ZNF536: variants seen among roughly 807,000 people sequenced by gnomAD.
ZNF536 encodes zinc finger protein 536.
Under a neutral mutation model 84.5 loss-of-function variants are expected in ZNF536, and 13 were observed. The observed-to-expected ratio is 0.15, with a 90% CI of 0.10 to 0.24. The LOEUF (loss-of-function observed/expected upper bound fraction) is 0.24. Ranked by LOEUF, ZNF536 falls within the 10% of genes least tolerant of loss-of-function variation. The probability of loss-of-function intolerance (pLI) is 1.00; values close to 1 mark genes in which losing one functional copy is unlikely to be tolerated. For synonymous variants in ZNF536, 811 were observed against 742.5 expected (o/e 1.09, Z -1.50); for missense variants, 1,536 against 1,747.5 (o/e 0.88, Z 2.16).
At chr19:30,651,163 G>A (rs1028034072) in intron 1 of ZNF536, among the ~76,000 whole-genome samples, 4 of 152,204 alleles carry the variant, frequency 2.6e-5, no homozygotes, top group Non-Finnish European at 5.9e-5. Flanking sequence ...GAGGGGTTAG[G>A]TGGGGTCCTG....
chr19:30,293,637 T>G (rs983482482), intron 2 of ZNF536, among the ~76,000 whole-genome samples: 2 of 152,208 alleles, frequency 1.3e-5, no homozygotes, highest in Admixed American at 6.5e-5. Flanking sequence ...CTGGCAGAGC[T>G]GGACTCTTAC....
intron 2 of ZNF536, among the ~76,000 whole-genome samples, chr19:30,294,371 C>T (rs2045933417): frequency 6.6e-6 from 1 of 152,170 alleles, no homozygotes; most frequent in South Asian, 2.1e-4. Context: ...TGTATTATTT[C>T]ATGTCTGAAA....
rs9630884 is a variant in ZNF536, at chr19:30,540,677, A to G, written c.2323+5678A>G. Among the ~76,000 whole-genome samples, 1,260 of 152,314 alleles carry G rather than the reference A, an allele frequency of 8.3e-3. 14 individuals carry two copies. The highest frequency in any genetic ancestry group is 0.028 in the African/African-American group (1,181 of 41,566). On this transcript the variant is annotated intron_variant, in intron 3 of 4. Transcript: ENST00000355537. ...TTATAATCAGATCTGCCTAATTCAG[A>G]ATCTCATTCTCTTCACCGCTGCATT...
In ZNF536 at chr19:30,233,517, A is replaced by AT. The variant is rs755958829; in HGVS notation, c.-190+4857dup. On this transcript the variant is annotated intron_variant, in intron 1 of 5. Coordinates refer to the ZNF536 transcript ENST00000585628. ...CCACCACACCTAGGTAGTTTTTAAC[A>AT]TTTTTTTTTTTTTAGAGATGGGGTC... 9.0e-3 allele frequency among the ~76,000 whole-genome samples: 1,286 copies of AT among 142,218 alleles called. 12 individuals carry two copies. Among genetic ancestry groups the AT allele is most frequent in the African/African-American group, 0.023 (884 of 38,772 alleles). The allele number at this position is 142,218 out of a possible 152,430, so 93.3% of individuals were successfully genotyped here.
At chr19:30,418,700 C>T (rs570204610) in intron 1 of ZNF536, among the ~76,000 whole-genome samples, 7 of 152,186 alleles carry the variant, frequency 4.6e-5, no homozygotes, top group South Asian at 2.1e-4. Flanking sequence ...ATGATGTGCC[C>T]GTCTCAAGAG....
At chr19:30,326,807 T>TTTTTG (rs2047050316) in intron 2 of ZNF536, among the ~76,000 whole-genome samples, 1 of 134,356 alleles carries the variant, frequency 7.4e-6, no homozygotes, top group South Asian at 2.7e-4. Flanking sequence ...TTTTTTTTTT[T>TTTTTG]TTTTTTTTTT....
intron 1 of ZNF536, among the ~76,000 whole-genome samples, chr19:30,636,228 A>T (rs952588878): frequency 1.3e-5 from 2 of 152,110 alleles, no homozygotes; most frequent in Non-Finnish European, 2.9e-5. Flanking sequence ...TTTAATGATG[A>T]GGGAAATGAG....
chr19:30,415,894 G>A (rs1017283502), intron 1 of ZNF536, among the ~76,000 whole-genome samples: 3 of 152,188 alleles, frequency 2.0e-5, no homozygotes, highest in Non-Finnish European at 2.9e-5. Flanking sequence ...ATAGGCATGA[G>A]CCATCATGCC....
chr19:30,318,183 C>T (rs991973765), intron 2 of ZNF536, among the ~76,000 whole-genome samples: 2 of 152,202 alleles, frequency 1.3e-5, no homozygotes, highest in South Asian at 2.1e-4. Context: ...GCTGATGGAG[C>T]CCTCTCCCAA....
At chr19:30,359,316 C>T (rs767417136) in intron 3 of ZNF536, among the ~76,000 whole-genome samples, 5 of 152,158 alleles carry the variant, frequency 3.3e-5, no homozygotes, top group Admixed American at 6.5e-5. Context: ...GTGGCCAGTG[C>T]GGCCCTGAGC....
intron 1 of ZNF536, among the ~76,000 whole-genome samples, chr19:30,563,767 C>T (rs755857769): frequency 6.6e-6 from 1 of 152,174 alleles, no homozygotes; most frequent in Non-Finnish European, 1.5e-5. Context: ...CCTCACATCC[C>T]AGAAGACACA....
chr19:30,397,690 C>T (rs1600555086), intron 1 of ZNF536, among the ~76,000 whole-genome samples: 2 of 152,132 alleles, frequency 1.3e-5, no homozygotes, highest in African/African-American at 2.4e-5. Flanking sequence ...TGTTAATTGG[C>T]GTCTGTTAAT....
At chr19:30,404,740 G>C (rs960356392) in intron 1 of ZNF536, among the ~76,000 whole-genome samples, 2 of 151,970 alleles carry the variant, frequency 1.3e-5, no homozygotes, top group Non-Finnish European at 2.9e-5. Flanking sequence ...GAGGCGGGGG[G>C]GCTCCTCAAC....
intron 2 of ZNF536, among the ~76,000 whole-genome samples, chr19:30,459,436 T>G (rs934733189): frequency 6.6e-6 from 1 of 150,770 alleles, no homozygotes; most frequent in African/African-American, 2.4e-5. Flanking sequence ...CTGCAACCTC[T>G]GCTTTCCCGG....
chr19:30,580,873 G>A (rs995449620), intron 1 of ZNF536, among the ~76,000 whole-genome samples: 1 of 152,194 alleles, frequency 6.6e-6, no homozygotes, highest in Non-Finnish European at 1.5e-5. Context: ...TCAGATGGGG[G>A]CAGCAGAGAC....
intron 1 of ZNF536, among the ~76,000 whole-genome samples, chr19:30,373,081 T>C (rs2147053806): frequency 6.6e-6 from 1 of 152,340 alleles, no homozygotes; most frequent in Non-Finnish European, 1.5e-5. Context: ...CTGATCCAAT[T>C]GGGTTCTGCT....
chr19:30,427,433 C>A (rs960479613), intron 1 of ZNF536, among the ~76,000 whole-genome samples: 7 of 152,144 alleles, frequency 4.6e-5, no homozygotes, highest in Non-Finnish European at 1.0e-4. Context: ...GATTTTTGAT[C>A]TTTGATCTCT....
chr19:30,563,144 A>G (rs2046231892), intron 1 of ZNF536, among the ~76,000 whole-genome samples: 1 of 152,106 alleles, frequency 6.6e-6, no homozygotes, highest in Non-Finnish European at 1.5e-5. Flanking sequence ...AGAACCCGCT[A>G]AAACCCCGCT....
At chr19:30,487,719 A>G (rs1405723582) in intron 2 of ZNF536, among the ~76,000 whole-genome samples, 5 of 152,242 alleles carry the variant, frequency 3.3e-5, no homozygotes, top group African/African-American at 7.2e-5. Flanking sequence ...CCAAAGAGAT[A>G]GTAGTAAACT....
Sources: allele counts gnomAD v4.1 joint callset (sites outside exome capture counted in the v4.1 genomes callset), GRCh38; gene constraint gnomAD v4.1.1; transcripts MANE v1.5; gene names NCBI Gene and HGNC (gene_info 2026-07-23, HGNC 2026-07-21).